The following LARP1 variants were observed in gnomAD, a reference collection of about 807,000 sequenced individuals.
The protein encoded by LARP1 is La ribonucleoprotein 1, translational regulator.
Under a neutral mutation model 122.7 loss-of-function variants are expected in LARP1, and 36 were observed. The ratio of observed to expected loss-of-function variants is 0.29; its 90% CI spans 0.22 to 0.39. The LOEUF is 0.39. Among genes scored for constraint, LARP1 ranks in the 10% least tolerant of loss-of-function variants. The probability of loss-of-function intolerance (pLI) is 1.00; values close to 1 mark genes in which losing one functional copy is unlikely to be tolerated. For synonymous variants in LARP1, 539 were observed against 528.7 expected (o/e 1.02, Z -0.27); for missense variants, 1,040 against 1,403.6 (o/e 0.74, Z 4.14).
chr5:154,687,351 A>C (rs1461025148), intron 1 of LARP1, among the ~76,000 whole-genome samples: 1 of 151,998 alleles, frequency 6.6e-6, no homozygotes, highest in Non-Finnish European at 1.5e-5. Context: ...CCTTATGTTT[A>C]TTTTTTTCAG....
chr5:154,796,123 A>T (rs1156428363), intron 8 of LARP1, among the ~76,000 whole-genome samples: 1 of 124,030 alleles, frequency 8.1e-6, no homozygotes, highest in African/African-American at 3.1e-5. Context: ...TATATATATT[A>T]TATATATTTT....
rs542890323 is a variant in LARP1, at chr5:154,798,420, AG to A, written c.1378-1170del. Reference sequence around the variant, plus strand: ...ATCTGGGAGCTAACTGCAAAGTAGCAGTATATAATAGAAAGATATTCCTCAT... The same window carrying A: ...ATCTGGGAGCTAACTGCAAAGTAGCATATATAATAGAAAGATATTCCTCAT... On this transcript the variant is annotated intron_variant, in intron 8 of 18. Coordinates refer to ENST00000518297, the MANE Select transcript of LARP1 (RefSeq NM_033551.3). 5.3e-5 allele frequency among the ~76,000 whole-genome samples: 8 copies of A among 152,348 alleles called. No individual in the cohort carries two copies. The South Asian group carries it at 1.7e-3, about 32-fold the overall frequency.
At chr5:154,708,098 T>C (rs1245598984), upstream of LARP1, among the ~76,000 whole-genome samples, 8 of 152,188 alleles carry the variant, frequency 5.3e-5, no homozygotes, top group Non-Finnish European at 4.4e-5. Flanking sequence ...TCTTTTGTGG[T>C]TGAAAAGTAA....
chr5:154,806,586 C>T (rs1758805501), intron 15 of LARP1, among the ~76,000 whole-genome samples: 1 of 152,360 alleles, frequency 6.6e-6, no homozygotes, highest in Non-Finnish European at 1.5e-5. Context: ...CTGATCCCCT[C>T]TCTAGATGAT....
rs975647641 is a variant in LARP1, at chr5:154,744,749, T to C, written c.205+31619T>C. On this transcript the variant is annotated intron_variant, in intron 1 of 18. Transcript: ENST00000336314. The stretch of plus-strand genomic sequence containing the variant: ...GCCTCCCGGGTTCACGCCATTCTCC[T>C]GCCTCAGCCTCCCAAGTAGCTGGGA... 4.8e-5 allele frequency among the ~76,000 whole-genome samples: 6 copies of C among 124,722 alleles called. No individual in the cohort carries two copies. The South Asian group carries it at 8.1e-4, about 17-fold the overall frequency. The allele number at this position is 124,722 out of a possible 152,430, so 81.8% of individuals were successfully genotyped here.
chr5:154,691,736 C>G (rs1754222346), intron 1 of LARP1, among the ~76,000 whole-genome samples: 1 of 152,084 alleles, frequency 6.6e-6, no homozygotes. Context: ...CGGCAGCCCT[C>G]GGTTCATCCC....
At chr5:154,783,725 C>T (rs1379668288) in intron 1 of LARP1, among the ~76,000 whole-genome samples, 2 of 151,938 alleles carry the variant, frequency 1.3e-5, no homozygotes, top group South Asian at 2.1e-4. Context: ...GAATCCATGC[C>T]CAGAGTTTAG....
At chr5:154,763,800 G>T (rs879368286) in intron 1 of LARP1, among the ~76,000 whole-genome samples, 2 of 151,522 alleles carry the variant, frequency 1.3e-5, no homozygotes, top group African/African-American at 4.9e-5. Context: ...GAGCCTGGAA[G>T]TTTGAGACCA....
chr5:154,801,899 G>A, intron 10 of LARP1, 108 bp from the exon 11 acceptor site: 1 of 1,052,944 alleles, frequency 9.5e-7, no homozygotes, highest in Non-Finnish European at 1.4e-6. Flanking sequence ...GGTCATAGTT[G>A]AACAGTCTTA....
intron 1 of LARP1, among the ~76,000 whole-genome samples, chr5:154,760,611 C>A (rs1310775825): frequency 6.6e-6 from 1 of 152,152 alleles, no homozygotes; most frequent in African/African-American, 2.4e-5. Flanking sequence ...CTGAAAATTT[C>A]CTCCACCAAA....
Position 154,805,851 on chromosome 5 carries a change from T to C in LARP1, c.2547-30T>C, listed in dbSNP as rs368308821. 3.1e-4 allele frequency: 501 copies of C among 1,607,292 alleles called. No individual in the cohort carries two copies. The Middle Eastern group carries it at 4.8e-3, about 15-fold the overall frequency. ...CATGGTGGGGCTGCTGTGGGGAACC[T>C]GGTGACAGTATTTTTTGTGGTTTCT... On this transcript the variant is annotated intron_variant, in intron 14 of 18. Coordinates refer to ENST00000518297, the MANE Select transcript of LARP1 (RefSeq NM_033551.3).
At chr5:154,742,890 G>A (rs1752976933) in intron 1 of LARP1, among the ~76,000 whole-genome samples, 1 of 152,120 alleles carries the variant, frequency 6.6e-6, no homozygotes, top group African/African-American at 2.4e-5. Flanking sequence ...AGCCAGAACT[G>A]GAAAGCAGCC....
Position 154,786,960 on chromosome 5 carries a change from C to T in LARP1, c.437-3365C>T, listed in dbSNP as rs140161309. 3.4e-4 allele frequency among the ~76,000 whole-genome samples: 51 copies of T among 151,996 alleles called. No individual in the cohort carries two copies. The East Asian group carries it at 8.9e-3, about 27-fold the overall frequency. ...ATGGTGCAATCTCTGCTCACCACAA[C>T]CTCCTGCCTCCTGGGTTCAAGTGAT... is the stretch of plus-strand genomic sequence containing the variant. On this transcript the variant is annotated intron_variant, in intron 1 of 18. Coordinates refer to ENST00000518297, the MANE Select transcript of LARP1 (RefSeq NM_033551.3).
chr5:154,774,021 G>A (rs1289802776), intron 1 of LARP1, among the ~76,000 whole-genome samples: 1 of 152,006 alleles, frequency 6.6e-6, no homozygotes, highest in Non-Finnish European at 1.5e-5. Flanking sequence ...ACGTCATGCA[G>A]GTTTGAGATT....
At chr5:154,746,074 A>G (rs894896213) in intron 1 of LARP1, among the ~76,000 whole-genome samples, 3 of 152,240 alleles carry the variant, frequency 2.0e-5, no homozygotes, top group Admixed American at 2.0e-4. Flanking sequence ...CCTGGATTAC[A>G]GGCGTGAGCC....
chr5:154,758,329 G>C lies in LARP1; in HGVS notation c.436+2136G>C, dbSNP rs59891412. ...CTTTAAGTGCCCAAAGCAAAATTCT[G>C]AGTAAGGGTAGATTTGCTCTGTTAT... On this transcript the variant is annotated intron_variant, in intron 1 of 18. Coordinates refer to ENST00000518297, the MANE Select transcript of LARP1 (RefSeq NM_033551.3). Among the ~76,000 whole-genome samples the C allele has an allele frequency of 1.1e-3, 160 of 152,300 alleles. 3 individuals carry two copies. In the East Asian group the frequency reaches 0.021, roughly 20 times the overall value.
At position 154,792,600 on chromosome 5, in the gene LARP1, GTTACT is replaced by G; in HGVS notation, c.565-15_565-11del. The G allele has an allele frequency of 6.2e-7, 1 of 1,611,872 alleles. No homozygotes were observed. Among genetic ancestry groups the G allele is most frequent in the African/African-American group, 1.3e-5 (1 of 74,984 alleles). On this transcript the variant is annotated splice_polypyrimidine_tract_variant and intron_variant, in intron 3 of 18. Coordinates refer to ENST00000518297, the MANE Select transcript of LARP1 (RefSeq NM_033551.3). The stretch of plus-strand genomic sequence containing the variant: ...ATGAGGCACTCACACTCACCTCACT[GTTACT>G]TTACTTCCTGCTATAGCCACAGTCC...
intron 1 of LARP1, among the ~76,000 whole-genome samples, chr5:154,747,666 C>T (rs1185440436): frequency 3.3e-5 from 5 of 152,150 alleles, no homozygotes; most frequent in South Asian, 2.1e-4. Flanking sequence ...TGCCATTGCA[C>T]TCCAGCCTGG....
chr5:154,691,035 G>A (rs1000329218), intron 1 of LARP1, among the ~76,000 whole-genome samples: 1 of 152,086 alleles, frequency 6.6e-6, no homozygotes. Context: ...CGAGGAGGGC[G>A]GATCACGAGG....
Sources: gnomAD v4.1 joint callset for allele counts (sites outside exome capture counted in the v4.1 genomes callset) on GRCh38, gnomAD v4.1.1 for gene constraint, MANE v1.5 for transcripts, NCBI Gene and HGNC (gene_info 2026-07-23, HGNC 2026-07-21) for gene names.